Variants in USP48 observed in about 807,000 individuals in gnomAD.
USP48 encodes the protein ubiquitin carboxyl-terminal hydrolase 48.
USP48 carries 43 observed loss-of-function variants against 150.7 expected under a neutral mutation model. That is an observed-to-expected ratio of 0.29 (90% CI 0.22 to 0.37). The LOEUF (loss-of-function observed/expected upper bound fraction) is 0.37, where lower values mean the gene tolerates loss of function less well. Ranked by LOEUF, USP48 falls within the 10% of genes least tolerant of loss-of-function variation. The probability of loss-of-function intolerance (pLI) is 1.00; values close to 1 mark genes in which losing one functional copy is unlikely to be tolerated. For missense variants in USP48, 813 were observed against 1,249.6 expected (o/e 0.65, Z 5.27); for synonymous variants, 396 against 425.9 (o/e 0.93, Z 0.86).
Position 21,684,227 on chromosome 1 carries a change from T to C in USP48, c.3058+2964A>G, listed in dbSNP as rs536422741. ...CTTCCATACTGTTTTCCATAATGGC[T>C]GTACTAATTTACATTCCCACCAAAA... On this transcript the variant is annotated intron_variant, in intron 25 of 26. Transcript: ENST00000308271. 1.5e-4 allele frequency among the ~76,000 whole-genome samples: 23 copies of C among 152,374 alleles called. No individual in the cohort carries two copies. In the East Asian group the frequency reaches 3.3e-3, roughly 22 times the overall value.
chr1:21,778,783 T>G (rs2097906816), intron 1 of USP48, among the ~76,000 whole-genome samples: 1 of 150,948 alleles, frequency 6.6e-6, no homozygotes, highest in Non-Finnish European at 1.5e-5. Flanking sequence ...CGGAGTCTCG[T>G]TCTGTCACCC....
chr1:21,759,297 G>A (rs1389532265), intron 1 of USP48, among the ~76,000 whole-genome samples: 1 of 151,926 alleles, frequency 6.6e-6, no homozygotes. Flanking sequence ...GAAGGCAGGA[G>A]TGGGGGAGGG....
At chr1:21,753,478 G>A (rs534140131) in intron 3 of USP48, among the ~76,000 whole-genome samples, 24 of 150,164 alleles carry the variant, frequency 1.6e-4, no homozygotes, top group Non-Finnish European at 2.4e-4. Flanking sequence ...TCTATTGAGC[G>A]CGGGAGGAAG....
At chr1:21,696,922 G>A (rs895499136) in intron 22 of USP48, among the ~76,000 whole-genome samples, 7 of 151,468 alleles carry the variant, frequency 4.6e-5, no homozygotes, top group African/African-American at 1.7e-4. Flanking sequence ...GTGAGTGAGA[G>A]GCGCAGGGGA....
chr1:21,699,490 G>A (rs1323801102), intron 22 of USP48, among the ~76,000 whole-genome samples: 3 of 150,812 alleles, frequency 2.0e-5, no homozygotes, highest in Non-Finnish European at 3.0e-5. Flanking sequence ...GAGCCACCGT[G>A]CCTGGCCTAA....
chr1:21,694,962 G>C, intron 23 of USP48, 104 bp downstream of exon 23: 1 of 1,239,086 alleles, frequency 8.1e-7, no homozygotes, highest in Non-Finnish European at 1.1e-6. Context: ...AAGTCTTCTG[G>C]AAAAAAACAC....
chr1:21,695,052 AAT>A lies in USP48; in HGVS notation c.2883+12_2883+13del. On this transcript the variant is annotated intron_variant, in intron 23 of 26. Transcript: ENST00000308271. ...TTTAAGTCCAGAGCAAACTTGAACA[AAT>A]GTTTCCCTCACCTGAATTTTCAATT... The A allele has an allele frequency of 3.7e-6, 6 of 1,605,878 alleles. No homozygotes were observed. The highest frequency in any genetic ancestry group is 5.1e-6 in the Non-Finnish European group (6 of 1,176,986).
At chr1:21,694,232 T>C (rs2097614224) in intron 23 of USP48, among the ~76,000 whole-genome samples, 1 of 152,080 alleles carries the variant, frequency 6.6e-6, no homozygotes, top group Non-Finnish European at 1.5e-5. Flanking sequence ...ATATCTAAAA[T>C]AAATCTATAT....
chr1:21,756,043 T>C (rs1349570167), intron 3 of USP48, among the ~76,000 whole-genome samples: 1 of 151,988 alleles, frequency 6.6e-6, no homozygotes, highest in Non-Finnish European at 1.5e-5. Flanking sequence ...TGCACGCCTG[T>C]AATCCCAGCT....
intron 4 of USP48, 132 bp downstream of exon 4, chr1:21,752,856 GTAAA>G: frequency 4.7e-6 from 6 of 1,271,794 alleles, no homozygotes; most frequent in Non-Finnish European, 6.3e-6. Flanking sequence ...CTATTGGACA[GTAAA>G]TAAAGGTTTT....
At chr1:21,758,860 C>T (rs944604868) in intron 1 of USP48, among the ~76,000 whole-genome samples, 3 of 152,164 alleles carry the variant, frequency 2.0e-5, no homozygotes, top group East Asian at 1.9e-4. Flanking sequence ...CACTACTTCA[C>T]GCATGCACAC....
intron 9 of USP48, among the ~76,000 whole-genome samples, chr1:21,732,150 G>A (rs934372925): frequency 2.0e-5 from 3 of 152,006 alleles, no homozygotes; most frequent in Non-Finnish European, 2.9e-5. Flanking sequence ...ATGGTGACGC[G>A]CCCCTCTAAT....
chr1:21,714,387 A>G (rs2097698686), intron 15 of USP48, among the ~76,000 whole-genome samples: 1 of 151,882 alleles, frequency 6.6e-6, no homozygotes, highest in Admixed American at 6.6e-5. Flanking sequence ...TGATCCTCTC[A>G]CCCTCCTGAG....
intron 3 of USP48, among the ~76,000 whole-genome samples, chr1:21,753,577 C>T (rs1464934097): frequency 1.3e-5 from 2 of 151,362 alleles, no homozygotes; most frequent in African/African-American, 2.4e-5. Flanking sequence ...TCGTAATCCC[C>T]GCACTTTGGG....
chr1:21,713,098 CTCTT>C lies in USP48; in HGVS notation c.1963+2287_1963+2290del, dbSNP rs536736623. Among the ~76,000 whole-genome samples, 41 of 146,364 alleles carry C rather than the reference CTCTT, an allele frequency of 2.8e-4. No homozygotes were observed. In the South Asian group the frequency reaches 4.7e-3, roughly 17 times the overall value. ...TTTCTTTCTTTCTCTTTCTCACTCT[CTCTT>C]TCTTTTTTGTTTTGTTTTGAGACAA... On this transcript the variant is annotated intron_variant, in intron 15 of 26. Coordinates refer to ENST00000308271, the MANE Select transcript of USP48 (RefSeq NM_032236.8).
chr1:21,748,190 G>A lies in USP48; in HGVS notation c.856C>T (p.Leu286Phe). The A allele has an allele frequency of 6.2e-7, 1 of 1,614,066 alleles. No individual in the cohort carries two copies. Among genetic ancestry groups the A allele is most frequent in the South Asian group, 1.1e-5 (1 of 91,054 alleles). The change falls in exon 7 of 27, where the codon CTT (leucine) becomes TTT (phenylalanine). Residue 286 changes from leucine to phenylalanine, a missense_variant. Transcript: ENST00000308271. ...KQNATRKIRL[L>F]SLPCTLNLQL... ...AAGTTCAGAGTGCAAGGAAGGCTAAGAAGTCGAATCTTTCTTGTTGCATTC... is the reference window on the plus strand; with the variant it reads ...AAGTTCAGAGTGCAAGGAAGGCTAAAAAGTCGAATCTTTCTTGTTGCATTC...
intron 15 of USP48, among the ~76,000 whole-genome samples, chr1:21,709,949 AGTT>A (rs1005764035): frequency 2.6e-5 from 4 of 152,122 alleles, no homozygotes; most frequent in South Asian, 2.1e-4. Context: ...CTACCATAGT[AGTT>A]GTTAATATAT....
chr1:21,688,775 G>A (rs1215230068), intron 24 of USP48, among the ~76,000 whole-genome samples: 3 of 149,930 alleles, frequency 2.0e-5, no homozygotes, highest in South Asian at 2.1e-4. Flanking sequence ...TCTGGGAGGT[G>A]GAGGTTGCAG....
intron 20 of USP48, among the ~76,000 whole-genome samples, chr1:21,703,926 T>A (rs2097664765): frequency 6.6e-6 from 1 of 152,220 alleles, no homozygotes; most frequent in African/African-American, 2.4e-5. Context: ...TCTTGTTATG[T>A]TGCTCAGGCT....
Sources: allele counts gnomAD v4.1 joint callset (sites outside exome capture counted in the v4.1 genomes callset), GRCh38; gene constraint gnomAD v4.1.1; transcripts MANE v1.5; gene names NCBI Gene and HGNC (gene_info 2026-07-23, HGNC 2026-07-21).